Variants in PCDH7 observed in about 807,000 individuals in gnomAD.
PCDH7 encodes the protein protocadherin 7.
A neutral mutation model predicts 58.9 loss-of-function variants in PCDH7; 17 were observed. That is an observed-to-expected ratio of 0.29 (90% CI 0.20 to 0.43). The LOEUF is 0.43. Ranked by LOEUF, PCDH7 falls within the 20% of genes least tolerant of loss-of-function variation. The pLI is 1.00. For missense variants in PCDH7, 1,274 were observed against 1,441.0 expected (o/e 0.88, Z 1.88); for synonymous variants, 664 against 616.4 (o/e 1.08, Z -1.14).
At chr4:31,141,878 T>C (rs1367202828) in intron 3 of PCDH7, among the ~76,000 whole-genome samples, 1 of 152,198 alleles carries the variant, frequency 6.6e-6, no homozygotes, top group African/African-American at 2.4e-5. Flanking sequence ...AGTATGCTTA[T>C]ACCTGTAACT....
intron 3 of PCDH7, among the ~76,000 whole-genome samples, chr4:31,081,768 T>A (rs1032905548): frequency 5.3e-5 from 8 of 149,718 alleles, no homozygotes; most frequent in African/African-American, 1.8e-4. Context: ...GGACTTTTTT[T>A]AATTTCTTTT....
chr4:30,878,765 G>A (rs780076209), intron 1 of PCDH7, among the ~76,000 whole-genome samples: 1 of 152,072 alleles, frequency 6.6e-6, no homozygotes, highest in Non-Finnish European at 1.5e-5. Flanking sequence ...CAGGAAAATC[G>A]CTTGAACCTG....
In PCDH7 at chr4:31,062,706, G is replaced by C. The variant is rs569904841; in HGVS notation, c.*8-79767G>C. ...TTCATATTCTTTTCAGGGTCATTTT[G>C]TCAAAATGCCACAGGGCCATACAAA... On this transcript the variant is annotated intron_variant, in intron 3 of 3. Coordinates refer to the PCDH7 transcript ENST00000509759. Among the ~76,000 whole-genome samples the C allele has an allele frequency of 2.0e-4, 31 of 151,788 alleles. 1 individual carries two copies. The East Asian group carries it at 4.5e-3, about 22-fold the overall frequency.
intron 1 of PCDH7, among the ~76,000 whole-genome samples, chr4:30,889,366 T>G (rs199553730): frequency 9.6e-6 from 1 of 104,152 alleles, no homozygotes; most frequent in East Asian, 2.7e-4. Context: ...TTATTATCCT[T>G]ATTATTATAA....
At chr4:30,966,514 G>A (rs943345836) in intron 3 of PCDH7, among the ~76,000 whole-genome samples, 1 of 152,018 alleles carries the variant, frequency 6.6e-6, no homozygotes, top group Non-Finnish European at 1.5e-5. Flanking sequence ...AAAAATGTGG[G>A]GTGCCTTTGG....
chr4:31,076,681 C>A (rs997335936), intron 3 of PCDH7, among the ~76,000 whole-genome samples: 4 of 152,138 alleles, frequency 2.6e-5, no homozygotes, highest in African/African-American at 9.7e-5. Context: ...AGCATCTCAA[C>A]ATAGTTAGTA....
At chr4:31,071,967 G>A (rs767810345) in intron 3 of PCDH7, among the ~76,000 whole-genome samples, 1 of 152,010 alleles carries the variant, frequency 6.6e-6, no homozygotes, top group Non-Finnish European at 1.5e-5. Flanking sequence ...TACTAAACCA[G>A]TATCAGAGCT....
intron 1 of PCDH7, among the ~76,000 whole-genome samples, chr4:30,888,148 A>G (rs1223423420): frequency 6.6e-6 from 1 of 152,158 alleles, no homozygotes; most frequent in East Asian, 1.9e-4. Flanking sequence ...TTCTAGGATT[A>G]CAGGCGTGAG....
At chr4:30,779,981 C>T (rs969402522) in intron 1 of PCDH7, among the ~76,000 whole-genome samples, 2 of 151,940 alleles carry the variant, frequency 1.3e-5, no homozygotes, top group African/African-American at 2.4e-5. Context: ...CAAAGGTGGC[C>T]GGTATTATGG....
At chr4:31,103,783 G>A (rs1370714240) in intron 3 of PCDH7, among the ~76,000 whole-genome samples, 4 of 151,938 alleles carry the variant, frequency 2.6e-5, no homozygotes, top group African/African-American at 9.7e-5. Context: ...ATATACCCAC[G>A]TACCTATTTA....
intron 3 of PCDH7, among the ~76,000 whole-genome samples, chr4:31,102,705 A>G (rs2109302094): frequency 6.6e-6 from 1 of 152,196 alleles, no homozygotes; most frequent in East Asian, 1.9e-4. Flanking sequence ...TGAAAGGTGT[A>G]GAAAGGTGTA....
intron 3 of PCDH7, among the ~76,000 whole-genome samples, chr4:31,120,442 T>C (rs988687579): frequency 6.8e-5 from 2 of 29,594 alleles, no homozygotes; most frequent in Admixed American, 5.1e-4. Flanking sequence ...TATTTTTTTC[T>C]TTTTTTTTTT....
chr4:31,023,354 A>C (rs1754179293), intron 3 of PCDH7, among the ~76,000 whole-genome samples: 1 of 152,194 alleles, frequency 6.6e-6, no homozygotes, highest in East Asian at 1.9e-4. Flanking sequence ...ATATTTCACT[A>C]TCCCTATTCT....
exon 2 of PCDH7, chr4:30,731,799 C>A (rs1174174715): frequency 6.6e-6 from 1 of 151,962 alleles, no homozygotes; most frequent in African/African-American, 2.4e-5. Flanking sequence ...TCTGGATGGC[C>A]CCTCTACCTC....
At chr4:30,831,183 A>C (rs1213000371) in intron 1 of PCDH7, among the ~76,000 whole-genome samples, 3 of 152,060 alleles carry the variant, frequency 2.0e-5, no homozygotes, top group African/African-American at 7.2e-5. Context: ...CATCCTCTCC[A>C]ACTGGACAGA....
chr4:31,108,709 C>A (rs1391517821), intron 3 of PCDH7, among the ~76,000 whole-genome samples: 1 of 151,966 alleles, frequency 6.6e-6, no homozygotes, highest in African/African-American at 2.4e-5. Flanking sequence ...ATTGTAGATA[C>A]ATAACATATT....
intron 3 of PCDH7, among the ~76,000 whole-genome samples, chr4:31,123,085 G>T (rs1022541121): frequency 6.6e-6 from 1 of 151,768 alleles, no homozygotes; most frequent in Non-Finnish European, 1.5e-5. Flanking sequence ...TTTAAGATAA[G>T]CAACACTAAA....
At chr4:30,835,050 G>C (rs908004324) in intron 1 of PCDH7, among the ~76,000 whole-genome samples, 1 of 152,140 alleles carries the variant, frequency 6.6e-6, no homozygotes, top group Non-Finnish European at 1.5e-5. Context: ...GGGAGAGGTA[G>C]CTGAATTTGT....
rs560759635 is a variant in PCDH7, at chr4:30,858,738, T to C, written c.71-61415T>C. Among the ~76,000 whole-genome samples, 4 of 152,328 alleles carry C rather than the reference T, an allele frequency of 2.6e-5. No homozygotes were observed. In the East Asian group the frequency reaches 7.7e-4, roughly 29 times the overall value. ...TGAGCTGTTTACTGATTTCCTACCA[T>C]TGGGTTAGCATCCCTTGAGCATTTA... On this transcript the variant is annotated intron_variant, in intron 1 of 3. Transcript: ENST00000509759.
Sources: allele counts gnomAD v4.1 joint callset (sites outside exome capture counted in the v4.1 genomes callset), GRCh38; gene constraint gnomAD v4.1.1; transcripts MANE v1.5; gene names NCBI Gene and HGNC (gene_info 2026-07-23, HGNC 2026-07-21).